The following EDIL3 variants were observed in gnomAD, a reference collection of about 807,000 sequenced individuals.
EDIL3 encodes the protein EGF-like repeat and discoidin I-like domain-containing protein 3.
Under a neutral mutation model 67.4 loss-of-function variants are expected in EDIL3, and 37 were observed. The observed-to-expected ratio is 0.55, with a 90% confidence interval of 0.42 to 0.72. The LOEUF is 0.72. Among genes scored for constraint, EDIL3 ranks in the 30% least tolerant of loss-of-function variants. EDIL3 has a pLI of 0.00. For missense variants in EDIL3, 527 were observed against 586.3 expected, an observed-to-expected ratio of 0.90 and a Z score of 1.04; for synonymous variants, 195 against 196.3, an observed-to-expected ratio of 0.99 and a Z score of 0.05.
chr5:84,226,115 T>C (rs992845217), intron 3 of EDIL3, among the ~76,000 whole-genome samples: 2 of 151,666 alleles, frequency 1.3e-5, no homozygotes, highest in South Asian at 4.1e-4. Flanking sequence ...AAAGATATTA[T>C]ATGGGGATAT....
chr5:84,233,428 T>C lies in EDIL3; in HGVS notation c.197-3544A>G, dbSNP rs73769778. Among the ~76,000 whole-genome samples the C allele has an allele frequency of 4.3e-3, 650 of 152,306 alleles. 3 individuals carry two copies. The highest frequency in any genetic ancestry group is 0.015 in the African/African-American group (621 of 41,558). On this transcript the variant is annotated intron_variant, in intron 2 of 10. Coordinates refer to ENST00000296591, the MANE Select transcript of EDIL3 (RefSeq NM_005711.5). Reference sequence around the variant, plus strand: ...TGGGAAACAGCCATGGGTACCATTGTTGGAACCACAGCAGTAAATTAGTAG... The same window carrying C: ...TGGGAAACAGCCATGGGTACCATTGCTGGAACCACAGCAGTAAATTAGTAG...
chr5:84,297,887 C>T (rs1180543838), intron 1 of EDIL3, among the ~76,000 whole-genome samples: 3 of 152,124 alleles, frequency 2.0e-5, no homozygotes, highest in African/African-American at 7.2e-5. Context: ...GCCACGAGCC[C>T]TGGATTCTAT....
At chr5:84,032,681 C>A (rs62364187) in intron 9 of EDIL3, among the ~76,000 whole-genome samples, 17,447 of 151,974 alleles carry the variant, frequency 0.11, 1,519 homozygotes, top group African/African-American at 0.24. Context: ...TCTGAAGAAA[C>A]AGAAAAAATA....
At chr5:84,207,485 A>G (rs1744007835) in intron 3 of EDIL3, among the ~76,000 whole-genome samples, 1 of 152,246 alleles carries the variant, frequency 6.6e-6, no homozygotes, top group African/African-American at 2.4e-5. Flanking sequence ...GGCAATTTAT[A>G]GATTCAATGC....
intron 9 of EDIL3, among the ~76,000 whole-genome samples, chr5:84,005,940 T>G (rs1285598212): frequency 6.6e-6 from 1 of 152,008 alleles, no homozygotes; most frequent in Non-Finnish European, 1.5e-5. Context: ...CTCTGCTTAC[T>G]AGCTCCTAGA....
chr5:84,300,268 T>TC (rs907702821), intron 1 of EDIL3, among the ~76,000 whole-genome samples: 2 of 152,122 alleles, frequency 1.3e-5, no homozygotes, highest in African/African-American at 4.8e-5. Context: ...CATAATCACA[T>TC]CCCCTCTCCT....
intron 5 of EDIL3, 86 bp from the exon 6 acceptor site, chr5:84,106,916 T>A (rs535490743): frequency 2.4e-5 from 34 of 1,421,732 alleles, no homozygotes; most frequent in African/African-American, 1.7e-4. Flanking sequence ...AGGATTTTTT[T>A]AAATGATTTG....
intron 4 of EDIL3, among the ~76,000 whole-genome samples, chr5:84,177,476 G>A (rs1456235062): frequency 3.9e-5 from 6 of 152,014 alleles, no homozygotes; most frequent in Admixed American, 1.3e-4. Context: ...TTAGTTTAGC[G>A]AATCTGTTCT....
intron 1 of EDIL3, among the ~76,000 whole-genome samples, chr5:84,343,213 C>CT (rs529927011): frequency 1.8e-4 from 26 of 148,150 alleles, no homozygotes; most frequent in Admixed American, 3.4e-4. Flanking sequence ...CTGCTAATAC[C>CT]TTTTTTTTTT....
At chr5:84,243,419 T>C (rs781211424) in intron 2 of EDIL3, among the ~76,000 whole-genome samples, 1 of 152,208 alleles carries the variant, frequency 6.6e-6, no homozygotes, top group Non-Finnish European at 1.5e-5. Context: ...GCCAAAGTCA[T>C]TGGTTAAAAG....
chr5:84,107,938 A>G (rs1747492409), intron 5 of EDIL3, among the ~76,000 whole-genome samples: 1 of 150,970 alleles, frequency 6.6e-6, no homozygotes, highest in South Asian at 2.1e-4. Flanking sequence ...TTAGATTTGT[A>G]TAATATATAC....
intron 4 of EDIL3, among the ~76,000 whole-genome samples, chr5:84,141,831 G>A (rs1346078318): frequency 6.8e-6 from 1 of 146,550 alleles, no homozygotes; most frequent in Non-Finnish European, 1.5e-5. Flanking sequence ...CTTTGGCTTG[G>A]GTTTTTTCCT....
chr5:84,047,684 A>C (rs1746247560), intron 9 of EDIL3: 1 of 152,032 alleles, frequency 6.6e-6, no homozygotes, highest in Admixed American at 6.6e-5. Flanking sequence ...GCTGGGGCTG[A>C]TCTTTTTTTG....
At chr5:84,311,547 G>A (rs1746389850) in intron 1 of EDIL3, among the ~76,000 whole-genome samples, 1 of 151,694 alleles carries the variant, frequency 6.6e-6, no homozygotes, top group East Asian at 1.9e-4. Context: ...ATGGGTAGTA[G>A]GGTGTCCAGT....
At chr5:84,355,812 C>T (rs1343849860) in intron 1 of EDIL3, among the ~76,000 whole-genome samples, 1 of 152,144 alleles carries the variant, frequency 6.6e-6, no homozygotes, top group East Asian at 1.9e-4. Context: ...AGCTCAAGCA[C>T]TGTGCTGGGA....
At chr5:84,315,590 TA>T (rs1204161723) in intron 1 of EDIL3, among the ~76,000 whole-genome samples, 2 of 152,196 alleles carry the variant, frequency 1.3e-5, no homozygotes, top group Non-Finnish European at 2.9e-5. Flanking sequence ...TAATATTTTT[TA>T]AAAAGTTGCC....
intron 9 of EDIL3, among the ~76,000 whole-genome samples, chr5:83,973,960 TG>T (rs561435896): frequency 2.0e-5 from 3 of 152,138 alleles, no homozygotes; most frequent in Admixed American, 1.3e-4. Context: ...CTTGAAAGTT[TG>T]GAAAACTGAC....
chr5:84,337,030 G>A (rs1183299039), intron 1 of EDIL3, among the ~76,000 whole-genome samples: 2 of 152,084 alleles, frequency 1.3e-5, no homozygotes, highest in Non-Finnish European at 1.5e-5. Flanking sequence ...GTTGTTCACT[G>A]CACAAGAGTA....
chr5:84,280,383 T>C (rs769918952), intron 1 of EDIL3, among the ~76,000 whole-genome samples: 94 of 152,360 alleles, frequency 6.2e-4, no homozygotes, highest in Non-Finnish European at 8.8e-4. Context: ...ATCCAGCATG[T>C]CTACAGTGTT....
Sources: gnomAD v4.1 joint callset for allele counts (sites outside exome capture counted in the v4.1 genomes callset) on GRCh38, gnomAD v4.1.1 for gene constraint, MANE v1.5 for transcripts, NCBI Gene and HGNC (gene_info 2026-07-23, HGNC 2026-07-21) for gene names.